Variants in ADAMTS9 observed in about 807,000 individuals in gnomAD.
ADAMTS9 encodes A disintegrin and metalloproteinase with thrombospondin motifs 9.
ADAMTS9 carries 107 observed loss-of-function variants against 257.1 expected under a neutral mutation model. The ratio of observed to expected loss-of-function variants is 0.42; its 90% CI spans 0.36 to 0.49. The LOEUF (loss-of-function observed/expected upper bound fraction) is 0.49. Ranked by LOEUF, ADAMTS9 falls within the 20% of genes least tolerant of loss-of-function variation. The pLI, the probability that ADAMTS9 is intolerant of heterozygous loss-of-function variation, is 0.03. For missense variants in ADAMTS9, 2,353 were observed against 2,469.1 expected (o/e 0.95, Z 1.00); for synonymous variants, 982 against 880.9 (o/e 1.11, Z -2.03).
intron 30 of ADAMTS9, among the ~76,000 whole-genome samples, chr3:64,555,456 C>G (rs12635012): frequency 6.6e-6 from 1 of 152,034 alleles, no homozygotes; most frequent in Non-Finnish European, 1.5e-5. Flanking sequence ...TCCATGGCTT[C>G]GTACCCTGTC....
intron 38 of ADAMTS9, among the ~76,000 whole-genome samples, chr3:64,525,694 T>C (rs1172335415): frequency 6.6e-6 from 1 of 151,938 alleles, no homozygotes; most frequent in Non-Finnish European, 1.5e-5. Flanking sequence ...CACTGCAACC[T>C]CCACCTCCCG....
rs529568022 is a variant in ADAMTS9, at chr3:64,517,931, C to T, written c.*6-810G>A. Among the ~76,000 whole-genome samples, 48 of 152,264 alleles carry T rather than the reference C, an allele frequency of 3.2e-4. No individual in the cohort carries two copies. The South Asian group carries it at 6.4e-3, about 20-fold the overall frequency. ...CCCTCTTCCAACTGAAGCTGTCAAT[C>T]GCCTGACTCTAGGTGGGTACATGAT... On this transcript the variant is annotated intron_variant, in intron 39 of 39. Coordinates refer to ENST00000498707, the MANE Select transcript of ADAMTS9 (RefSeq NM_182920.2).
chr3:64,641,121 A>G lies in ADAMTS9; in HGVS notation c.1856+727T>C, dbSNP rs1700625925. On this transcript the variant is annotated intron_variant, in intron 12 of 39. Coordinates refer to ENST00000498707, the MANE Select transcript of ADAMTS9 (RefSeq NM_182920.2). ...GAAAAAAAATAAAAAGTAATTCTTG[A>G]TTTGGGGTCCCAGGTCCCTTGAGGT... Among the ~76,000 whole-genome samples the G allele has an allele frequency of 3.3e-5, 5 of 152,258 alleles. No individual in the cohort carries two copies. The South Asian group carries it at 1.0e-3, about 32-fold the overall frequency.
At chr3:64,525,920 A>C (rs2082904103) in intron 38 of ADAMTS9, among the ~76,000 whole-genome samples, 1 of 105,958 alleles carries the variant, frequency 9.4e-6, no homozygotes, top group South Asian at 4.1e-4. Context: ...CAGTAGAAAA[A>C]TTATATTTAC....
At chr3:64,634,576 G>A (rs370819099) in intron 12 of ADAMTS9, among the ~76,000 whole-genome samples, 12 of 152,318 alleles carry the variant, frequency 7.9e-5, no homozygotes, top group South Asian at 6.2e-4. Context: ...TTTAATCTCC[G>A]CATGCAACCC....
intron 30 of ADAMTS9, among the ~76,000 whole-genome samples, chr3:64,557,911 C>G (rs895084222): frequency 6.6e-6 from 1 of 152,158 alleles, no homozygotes; most frequent in African/African-American, 2.4e-5. Context: ...AGTCTGGGCT[C>G]TACTCTCATG....
chr3:64,550,840 C>G, intron 31 of ADAMTS9, 52 bp downstream of exon 31: 1 of 1,604,124 alleles, frequency 6.2e-7, no homozygotes, highest in Non-Finnish European at 8.5e-7. Context: ...ATCCCTCTGC[C>G]ACTCTCAGGC....
rs1246531378 is a variant in ADAMTS9 at position 64,541,908 on chromosome 3, G to C, written c.5127C>G (p.Asp1709Glu). The C allele has an allele frequency of 6.2e-7, 1 of 1,614,126 alleles. No individual in the cohort carries two copies. The highest frequency in any genetic ancestry group is 1.3e-5 in the African/African-American group (1 of 75,020). ...CAGTGTGGCATAAGTGGCTGGGTTG[G>C]TCCTCATTGGTTAAACATTGCACAG... is the stretch of plus-strand genomic sequence containing the variant. ...QRSVQCLTNE[D>E]QPSHLCHTDL... is the part of the protein sequence containing the mutation. Residue 1709 changes from aspartate to glutamate, a missense_variant, in exon 33 of 40, where the codon GAC becomes GAG. Transcript: ENST00000498707.
chr3:64,633,234 C>A (rs903221902), intron 14 of ADAMTS9, among the ~76,000 whole-genome samples: 1 of 152,076 alleles, frequency 6.6e-6, no homozygotes, highest in Non-Finnish European at 1.5e-5. Context: ...TTGTGCAAGA[C>A]CCCCACAGAG....
intron 3 of ADAMTS9, among the ~76,000 whole-genome samples, chr3:64,679,116 T>C (rs1472051010): frequency 6.6e-6 from 1 of 152,240 alleles, no homozygotes; most frequent in Non-Finnish European, 1.5e-5. Flanking sequence ...TCTTCGAGCC[T>C]GACATTTTTA....
chr3:64,517,422 T>TG (rs2082792089), intron 39 of ADAMTS9, among the ~76,000 whole-genome samples: 2 of 122,878 alleles, frequency 1.6e-5, no homozygotes, highest in African/African-American at 5.9e-5. Flanking sequence ...AATGGTTTTT[T>TG]TTTTTTTTTT....
chr3:64,538,390 C>G (rs1486114128), intron 37 of ADAMTS9, among the ~76,000 whole-genome samples: 2 of 151,834 alleles, frequency 1.3e-5, no homozygotes, highest in East Asian at 3.9e-4. Flanking sequence ...TTGAGATCTC[C>G]CCGTCCAACT....
In ADAMTS9 at chr3:64,622,473, C is replaced by T. The variant is rs756007283; in HGVS notation, c.2503G>A (p.Ala835Thr). The T allele has an allele frequency of 1.2e-6, 2 of 1,614,080 alleles. No individual in the cohort carries two copies. Among genetic ancestry groups the T allele is most frequent in the African/African-American group, 1.3e-5 (1 of 75,034 alleles). The stretch of plus-strand genomic sequence containing the variant: ...TCTGTTGAGTTAATTCTTTCTACGG[C>T]AGTCTCGGACCCACTGTACTCTACC... ...AVVEYSGSET[A>T]VERINSTDRI... The change falls in exon 17 of 40, where the codon GCC (alanine) becomes ACC (threonine). Residue 835 changes from alanine to threonine, a missense_variant. Around this residue, in one of 3 missense-constraint regions of ADAMTS9, gnomAD observed 1,402 missense variants for 1,441.4 expected, o/e 0.97. Transcript: ENST00000498707.
At chr3:64,561,812 G>T (rs2083431344) in intron 29 of ADAMTS9, 61 bp from the exon 30 acceptor site, 2 of 1,189,624 alleles carry the variant, frequency 1.7e-6, no homozygotes, top group Admixed American at 1.9e-5. Context: ...GGGGGCGGGG[G>T]GTGTCGAGGG....
At chr3:64,673,455 G>C (rs904862303) in intron 3 of ADAMTS9, among the ~76,000 whole-genome samples, 2 of 152,060 alleles carry the variant, frequency 1.3e-5, no homozygotes, top group African/African-American at 4.8e-5. Flanking sequence ...AGGGAAAAAG[G>C]GGCTATATGC....
At chr3:64,564,701 C>T (rs999111808) in intron 29 of ADAMTS9, among the ~76,000 whole-genome samples, 2 of 151,490 alleles carry the variant, frequency 1.3e-5, no homozygotes, top group Non-Finnish European at 2.9e-5. Flanking sequence ...CCCCCTTATT[C>T]CCCCCCAACT....
At chr3:64,575,539 G>T (rs537516280) in intron 28 of ADAMTS9, among the ~76,000 whole-genome samples, 108 of 152,266 alleles carry the variant, frequency 7.1e-4, no homozygotes, top group African/African-American at 2.5e-3. Context: ...AATTCCAAGG[G>T]GTGCTTGGGT....
intron 38 of ADAMTS9, among the ~76,000 whole-genome samples, chr3:64,524,302 T>A (rs79131590): frequency 0.015 from 2,267 of 152,328 alleles, 46 homozygotes; most frequent in African/African-American, 0.052. Flanking sequence ...TGTAGTGACA[T>A]GCTAAAAGGC....
In ADAMTS9 at chr3:64,550,914, C is replaced by G; in HGVS notation, c.4847G>C (p.Trp1616Ser). 1.2e-6 allele frequency: 2 copies of G among 1,614,148 alleles called. No individual in the cohort carries two copies. Among genetic ancestry groups the G allele is most frequent in the Non-Finnish European group, 1.7e-6 (2 of 1,180,008 alleles). The change falls in exon 31 of 40, where the codon TGG becomes TCG. Residue 1616 changes from tryptophan to serine, a missense_variant. Trp to Ser is a radical substitution (Grantham distance 177). Coordinates refer to ENST00000498707, the MANE Select transcript of ADAMTS9 (RefSeq NM_182920.2). ...SCSLQPCEYV[W>S]ITGEWSECSV... ...TACCTCTGACCATTCTCCTGTGATC[C>G]AGACATACTCGCAGGGTTGCAAACT...
Sources: allele counts gnomAD v4.1 joint callset (sites outside exome capture counted in the v4.1 genomes callset), GRCh38; gene constraint gnomAD v4.1.1; regional missense constraint gnomAD v4.1.1; transcripts MANE v1.5; gene names NCBI Gene and HGNC (gene_info 2026-07-23, HGNC 2026-07-21).